The following FAT1 variants were observed in gnomAD, a reference collection of about 807,000 sequenced individuals.
The protein encoded by FAT1 is protocadherin Fat 1.
In FAT1, 171 loss-of-function variants were observed where a neutral mutation model predicts 329.8. The observed-to-expected ratio is 0.52, with a 90% CI of 0.46 to 0.59. FAT1 has a LOEUF of 0.59. FAT1 is among the 20% of genes least tolerant of loss of function. The pLI, the probability that FAT1 is intolerant of heterozygous loss-of-function variation, is 0.00. For missense variants in FAT1, 5,672 were observed against 5,774.4 expected (o/e 0.98, Z 0.57); for synonymous variants, 2,233 against 2,228.6 (o/e 1.00, Z -0.06).
intron 26 of FAT1, among the ~76,000 whole-genome samples, chr4:186,592,370 T>TAC (rs984777243): frequency 6.6e-5 from 10 of 152,304 alleles, no homozygotes; most frequent in Admixed American, 2.0e-4. Context: ...TTCCTGTACA[T>TAC]ACGAAGAAGA....
chr4:186,662,277 G>A (rs1393308028), intron 3 of FAT1, among the ~76,000 whole-genome samples: 1 of 152,102 alleles, frequency 6.6e-6, no homozygotes, highest in African/African-American at 2.4e-5. Flanking sequence ...GTTTGACAAT[G>A]CCTTTAATTT....
chr4:186,642,576 C>T (rs960093386), intron 3 of FAT1, among the ~76,000 whole-genome samples: 1 of 152,206 alleles, frequency 6.6e-6, no homozygotes, highest in South Asian at 2.1e-4. Context: ...AGTGAGCCAA[C>T]AGAGAATGCG....
At chr4:186,594,128 T>C (rs541041199) in intron 26 of FAT1, among the ~76,000 whole-genome samples, 13 of 151,938 alleles carry the variant, frequency 8.6e-5, no homozygotes, top group African/African-American at 2.2e-4. Context: ...TGCAGTGGCG[T>C]GACCTCAGCT....
chr4:186,627,866 A>G (rs965474854), intron 9 of FAT1, among the ~76,000 whole-genome samples: 3 of 152,210 alleles, frequency 2.0e-5, no homozygotes, highest in Non-Finnish European at 1.5e-5. Flanking sequence ...AATTTCAGAA[A>G]TACTGAATTG....
At chr4:186,611,968 C>T (rs918579136) in intron 13 of FAT1, among the ~76,000 whole-genome samples, 193 bp from the exon 14 acceptor site, 3 of 151,848 alleles carry the variant, frequency 2.0e-5, no homozygotes, top group African/African-American at 7.3e-5. Flanking sequence ...GGGTTACAGA[C>T]ACACTGTAAT....
chr4:186,699,289 T>C (rs1167273545), intron 2 of FAT1, among the ~76,000 whole-genome samples: 3 of 151,936 alleles, frequency 2.0e-5, no homozygotes, highest in Admixed American at 1.3e-4. Context: ...AAAAACCAAT[T>C]GATTTAAAAC....
At chr4:186,671,926 G>C in intron 2 of FAT1, among the ~76,000 whole-genome samples, 1 of 152,046 alleles carries the variant, frequency 6.6e-6, no homozygotes, top group East Asian at 1.9e-4. Flanking sequence ...GAAAAAGGAG[G>C]AGTCTATTGG....
chr4:186,604,560 C>T lies in FAT1; in HGVS notation c.10365G>A (p.Val3455=), dbSNP rs1010099961. Residue 3455 remains valine, a synonymous_variant, in exon 18 of 27, where the codon GTG becomes GTA. Transcript: ENST00000441802. ...CTACCAGCTGCAGCACGCTGAAGCC[C>T]ACTGGCTTATTTTCCTGCACAAGAT... is the stretch of plus-strand genomic sequence containing the variant. The part of the protein sequence containing the change: ...YSVIIQENKP[V]GFSVLQLVVT... 1 of 1,606,454 alleles carries T rather than the reference C, an allele frequency of 6.2e-7. No individual in the cohort carries two copies. Among genetic ancestry groups the T allele is most frequent in the Non-Finnish European group, 8.5e-7 (1 of 1,177,162 alleles).
At chr4:186,615,035 G>C (rs1162986019) in intron 11 of FAT1, among the ~76,000 whole-genome samples, 1 of 151,884 alleles carries the variant, frequency 6.6e-6, no homozygotes, top group African/African-American at 2.4e-5. Flanking sequence ...TTCTTAATCT[G>C]AACTCAACTA....
chr4:186,673,028 A>G (rs1742803212), intron 2 of FAT1, among the ~76,000 whole-genome samples: 1 of 152,236 alleles, frequency 6.6e-6, no homozygotes, highest in Non-Finnish European at 1.5e-5. Flanking sequence ...CATGCATATT[A>G]ATTACACAGA....
chr4:186,707,413 C>A lies in FAT1; in HGVS notation c.2415G>T (p.Trp805Cys), dbSNP rs1579485517. ...YDLGIPQKAAWRLLHVVVVDA... is the reference protein window; with the variant it reads ...YDLGIPQKAACRLLHVVVVDA... ...CGACAACCACGACATGTAGAAGACG[C>A]CACGCAGCCTTCTGGGGTATCCCAA... is the stretch of plus-strand genomic sequence containing the variant. The change falls in exon 2 of 27, where the codon TGG (tryptophan) becomes TGT (cysteine). Residue 805 changes from tryptophan to cysteine, a missense_variant. By Grantham distance (215) the Trp-to-Cys change is radical. Coordinates refer to ENST00000441802, the MANE Select transcript of FAT1 (RefSeq NM_005245.4). The A allele has an allele frequency of 6.2e-7, 1 of 1,613,976 alleles. No homozygotes were observed. The highest frequency in any genetic ancestry group is 8.5e-7 in the Non-Finnish European group (1 of 1,179,890).
rs749549924 is a variant in FAT1 at position 186,618,027 on chromosome 4, A to C, written c.8559T>G (p.Ser2853Arg). 5 of 1,613,874 alleles carry C rather than the reference A, an allele frequency of 3.1e-6. No homozygotes were observed. ...QVMYSLDQSQ[S>R]VEVIESFAIN... ...TGGCAAAGGATTCAATGACTTCCAC[A>C]CTTTGTGACTGATCCAGGCTATACA... is the stretch of plus-strand genomic sequence containing the variant. The change falls in exon 10 of 27, where the codon AGT (serine) becomes AGG (arginine). Residue 2853 changes from serine to arginine, a missense_variant. This residue lies in a region of FAT1 where 3,966 missense variants were observed against 3,915.2 expected (regional missense o/e 1.01). Transcript: ENST00000441802.
In FAT1 at chr4:186,617,238, G is replaced by C; in HGVS notation, c.8879-37C>G. Reference sequence around the variant, plus strand: ...ATGGAGGAAGATAATAATCAAATTTGTTGAAAGGATAAAAATAAGTAACAG... The same window carrying C: ...ATGGAGGAAGATAATAATCAAATTTCTTGAAAGGATAAAAATAAGTAACAG... On this transcript the variant is annotated intron_variant, in intron 10 of 26. Transcript: ENST00000441802. 8 of 1,406,638 alleles carry C rather than the reference G, an allele frequency of 5.7e-6. No homozygotes were observed. In the Middle Eastern group the frequency reaches 1.5e-3, roughly 262 times the overall value. The allele number at this position is 1,406,638 out of a possible 1,614,324, so 87.1% of individuals were successfully genotyped here. A position where few individuals can be genotyped will look rare whatever the true frequency, so the allele number is the denominator to read the frequency against.
chr4:186,719,851 G>T (rs915700234), intron 1 of FAT1, among the ~76,000 whole-genome samples: 1 of 152,188 alleles, frequency 6.6e-6, no homozygotes, highest in Non-Finnish European at 1.5e-5. Flanking sequence ...TTTTGTTCAT[G>T]CAGAGTATTC....
chr4:186,610,560 C>G (rs904005500), intron 14 of FAT1, among the ~76,000 whole-genome samples: 7 of 140,304 alleles, frequency 5.0e-5, no homozygotes, highest in African/African-American at 1.9e-4. Flanking sequence ...CCTAAAGAGC[C>G]CTAAAAATAA....
At chr4:186,696,155 A>G (rs1343386987) in intron 2 of FAT1, among the ~76,000 whole-genome samples, 1 of 152,206 alleles carries the variant, frequency 6.6e-6, no homozygotes, top group Non-Finnish European at 1.5e-5. Context: ...TACTTTGTAG[A>G]TATGAAACTT....
At position 186,597,033 on chromosome 4, in the gene FAT1, C is replaced by A. The variant is rs1349287755; in HGVS notation, c.12507G>T (p.Gln4169His). Residue 4169 changes from glutamine to histidine, a missense_variant, in exon 25 of 27, where the codon CAG (glutamine) becomes CAT (histidine). Gln to His is a conservative substitution (Grantham distance 24, BLOSUM62 0). Coordinates refer to ENST00000441802, the MANE Select transcript of FAT1 (RefSeq NM_005245.4). ...GRHCEDAAPNQYVSTPWNIGL... is the reference protein window; with the variant it reads ...GRHCEDAAPNHYVSTPWNIGL... ...CAATGTTCCACGGCGTGGACACATACTGGTTGGGCGCAGCATCCTCGCAGT... is the reference window on the plus strand; with the variant it reads ...CAATGTTCCACGGCGTGGACACATAATGGTTGGGCGCAGCATCCTCGCAGT... The A allele has an allele frequency of 1.2e-6, 2 of 1,614,000 alleles. No individual in the cohort carries two copies. The highest frequency in any genetic ancestry group is 3.3e-5 in the Admixed American group (2 of 60,020).
intron 2 of FAT1, among the ~76,000 whole-genome samples, chr4:186,705,440 G>A (rs996626114): frequency 6.6e-6 from 1 of 152,122 alleles, no homozygotes; most frequent in Non-Finnish European, 1.5e-5. Context: ...GTACACATGG[G>A]TGAGATTAGT....
intron 2 of FAT1, among the ~76,000 whole-genome samples, chr4:186,695,963 G>T (rs549044761): frequency 6.6e-5 from 10 of 152,196 alleles, no homozygotes; most frequent in African/African-American, 2.4e-4. Flanking sequence ...AGCTAATTTT[G>T]TATTTTTAGT....
Sources: gnomAD v4.1 joint callset for allele counts (sites outside exome capture counted in the v4.1 genomes callset) on GRCh38, gnomAD v4.1.1 for gene constraint, gnomAD v4.1.1 regional missense constraint, MANE v1.5 for transcripts, NCBI Gene and HGNC (gene_info 2026-07-23, HGNC 2026-07-21) for gene names.